GTF3C1: variants seen among roughly 807,000 people sequenced by gnomAD.
GTF3C1 encodes general transcription factor IIIC subunit 1.
GTF3C1 carries 57 observed loss-of-function variants against 226.7 expected under a neutral mutation model. The ratio of observed to expected loss-of-function variants is 0.25; its 90% confidence interval spans 0.20 to 0.31. The LOEUF is 0.31. Among genes scored for constraint, GTF3C1 ranks in the 10% least tolerant of loss-of-function variants. The probability of loss-of-function intolerance (pLI) is 1.00; values close to 1 mark genes in which losing one functional copy is unlikely to be tolerated. For missense variants in GTF3C1, 2,217 were observed against 2,776.1 expected (o/e 0.80, Z 4.53); for synonymous variants, 1,090 against 1,084.8 (o/e 1.00, Z -0.09).
At chr16:27,488,793 A>T (rs1302885108) in intron 21 of GTF3C1, among the ~76,000 whole-genome samples, 158 bp from the exon 22 acceptor site, 1 of 152,190 alleles carries the variant, frequency 6.6e-6, no homozygotes, top group African/African-American at 2.4e-5. Flanking sequence ...ACCATTGCTC[A>T]TGCACTCCCT....
intron 24 of GTF3C1, among the ~76,000 whole-genome samples, chr16:27,485,095 C>T (rs2141370025): frequency 6.6e-6 from 1 of 152,342 alleles, no homozygotes; most frequent in East Asian, 1.9e-4. Context: ...TCAGGTTCTT[C>T]CTTGGAAAAG....
At chr16:27,468,257 G>A (rs2087812870) in intron 32 of GTF3C1, among the ~76,000 whole-genome samples, 1 of 152,186 alleles carries the variant, frequency 6.6e-6, no homozygotes, top group African/African-American at 2.4e-5. Flanking sequence ...TGAGTTTCTT[G>A]ACATAGAATC....
At chr16:27,528,972 G>A (rs930435854) in intron 5 of GTF3C1, among the ~76,000 whole-genome samples, 1 of 152,208 alleles carries the variant, frequency 6.6e-6, no homozygotes, top group African/African-American at 2.4e-5. Flanking sequence ...GTGTGCAGGG[G>A]TGAGAATGAG....
intron 6 of GTF3C1, among the ~76,000 whole-genome samples, chr16:27,512,523 G>A (rs557291372): frequency 3.3e-5 from 5 of 152,166 alleles, no homozygotes; most frequent in Non-Finnish European, 7.4e-5. Context: ...GCATCAGAGC[G>A]ATCTTATGCA....
intron 27 of GTF3C1, among the ~76,000 whole-genome samples, chr16:27,479,837 C>G (rs541773095): frequency 2.0e-5 from 3 of 152,154 alleles, no homozygotes; most frequent in Non-Finnish European, 2.9e-5. Context: ...TAAACTGTTA[C>G]ACTTGCAACT....
chr16:27,470,285 T>G lies in GTF3C1; in HGVS notation c.4637A>C (p.Asp1546Ala). The change falls in exon 31 of 37, where the codon GAC becomes GCC. Residue 1546 changes from aspartate (D) to alanine (A), a missense_variant. Asp to Ala is a moderately radical substitution (Grantham distance 126). This residue lies in a region of GTF3C1 where 546 missense variants were observed against 663.0 expected (regional missense o/e 0.82). Transcript: ENST00000356183. The surrounding 1 kb of genome is among the most constrained non-coding windows in gnomAD (Gnocchi z 4.9). ...LDQPDRFSFK[D>A]QDNNEPTNDM... is the part of the protein sequence containing the mutation. ...GTTTGTGGGCTCGTTATTATCCTGG[T>G]CTTTGAAAGAGAAACGATCAGGCTG... 6.2e-7 allele frequency: 1 copy of G among 1,613,936 alleles called. No homozygotes were observed.
rs2087952760 is a variant in GTF3C1, at chr16:27,476,539, T to C, written c.4265A>G (p.Asp1422Gly). ...TRKEDELNSV[D>G]DIHFLVLQNL... Reference sequence around the variant, plus strand: ...CTGAAGCACCAGAAAGTGGATGTCATCCACGCTGAAAGAGAGGGGGCAGCA... The same window carrying C: ...CTGAAGCACCAGAAAGTGGATGTCACCCACGCTGAAAGAGAGGGGGCAGCA... The change falls in exon 29 of 37, where the codon GAT becomes GGT. Residue 1422 changes from aspartate (D) to glycine (G), a missense_variant. This residue lies in a region of GTF3C1 where 546 missense variants were observed against 663.0 expected (regional missense o/e 0.82). Coordinates refer to ENST00000356183, the MANE Select transcript of GTF3C1 (RefSeq NM_001520.4). The C allele has an allele frequency of 6.2e-7, 1 of 1,602,474 alleles. No individual in the cohort carries two copies. The highest frequency in any genetic ancestry group is 1.7e-5 in the Admixed American group (1 of 59,950).
In GTF3C1 at chr16:27,545,388, C is replaced by T. The variant is rs770977641; in HGVS notation, c.357G>A (p.Glu119=). 4.3e-6 allele frequency: 7 copies of T among 1,613,806 alleles called. No homozygotes were observed. Among genetic ancestry groups the T allele is most frequent in the Middle Eastern group, 1.6e-4 (1 of 6,084 alleles). Residue 119 remains glutamate (E), a synonymous_variant, in exon 2 of 37, where the codon GAG becomes GAA. Transcript: ENST00000356183. ...TGATGTCATTGGTAATGTTTTTCCT[C>T]TCCTTAAAGTAGCGGCATGAGCCCT... is the stretch of plus-strand genomic sequence containing the variant. ...GIQGSCRYFK[E]RKNITNDIRT...
chr16:27,549,635 G>T, intron 1 of GTF3C1, 35 bp downstream of exon 1: 2 of 426,628 alleles, frequency 4.7e-6, no homozygotes. Context: ...CCCTGCGCCC[G>T]CCCGCCCGCC....
At chr16:27,479,594 A>C (rs759218128) in intron 27 of GTF3C1, among the ~76,000 whole-genome samples, 15 of 152,258 alleles carry the variant, frequency 9.9e-5, no homozygotes, top group African/African-American at 3.6e-4. Flanking sequence ...TCAGCCTCCC[A>C]AGTAGCTGGG....
chr16:27,461,304 G>C lies in GTF3C1; in HGVS notation c.*46C>G, dbSNP rs2087699858. On this transcript the variant is annotated 3_prime_UTR_variant, in exon 37 of 37. Transcript: ENST00000356183. The surrounding 1 kb of genome is among the most constrained non-coding windows in gnomAD (Gnocchi z 5.3). ...GGTCTGCCGAGCACCAGGCAGGAGT[G>C]GTGTGGCAGGCGGTGGCTGGGAGGG... The C allele has an allele frequency of 1.6e-6, 2 of 1,246,858 alleles. No individual in the cohort carries two copies. The highest frequency in any genetic ancestry group is 4.7e-5 in the East Asian group (2 of 42,976). The allele number at this position is 1,246,858 out of a possible 1,614,324, so 77.2% of individuals were successfully genotyped here. A position where few individuals can be genotyped will look rare whatever the true frequency, so the allele number is the denominator to read the frequency against.
In GTF3C1 at chr16:27,461,316, G is replaced by A. The variant is rs763235085; in HGVS notation, c.*34C>T. On this transcript the variant is annotated 3_prime_UTR_variant, in exon 37 of 37. Transcript: ENST00000356183. The surrounding 1 kb of genome is among the most constrained non-coding windows in gnomAD (Gnocchi z 5.3). ...ACCAGGCAGGAGTGGTGTGGCAGGC[G>A]GTGGCTGGGAGGGAGGGGACGCCCA... is the stretch of plus-strand genomic sequence containing the variant. 7.2e-6 allele frequency: 10 copies of A among 1,384,222 alleles called. No homozygotes were observed. Among genetic ancestry groups the A allele is most frequent in the African/African-American group, 2.8e-5 (2 of 70,566 alleles). The allele number at this position is 1,384,222 out of a possible 1,614,324, so 85.7% of individuals were successfully genotyped here.
intron 5 of GTF3C1, among the ~76,000 whole-genome samples, chr16:27,530,057 G>A (rs1269699926): frequency 3.9e-5 from 6 of 152,282 alleles, no homozygotes; most frequent in Admixed American, 1.3e-4. Context: ...GCAAGGGAGC[G>A]AATGGCAGGA....
At chr16:27,485,974 C>T (rs766500593) in intron 24 of GTF3C1, 23 bp downstream of exon 24, 39 of 1,554,306 alleles carry the variant, frequency 2.5e-5, no homozygotes, top group South Asian at 4.7e-5. Flanking sequence ...GCAGGCCCAC[C>T]GCTGGGCTGG....
intron 24 of GTF3C1, 68 bp from the exon 25 acceptor site, chr16:27,484,421 T>C: frequency 8.8e-7 from 1 of 1,133,598 alleles, no homozygotes. Flanking sequence ...GGAATTACCA[T>C]AAAAAAGTGG....
intron 7 of GTF3C1, among the ~76,000 whole-genome samples, chr16:27,510,160 T>C (rs936742763): frequency 1.6e-4 from 25 of 151,880 alleles, no homozygotes; most frequent in Non-Finnish European, 1.2e-4. Context: ...CCGAGGCAGG[T>C]GGATCACGAG....
Position 27,493,252 on chromosome 16 carries a change from G to A in GTF3C1, c.2823C>T (p.His941=). 1 of 1,612,236 alleles carries A rather than the reference G, an allele frequency of 6.2e-7. No individual in the cohort carries two copies. ...EEFLNDPLKK[H]TLIRFLPRPI... ...GCCTGGGGAGAAAGCGGATCAGCGT[G>A]TGCTTCTTCAGCGGGTCGTTCAGAA... Residue 941 remains histidine (H), a synonymous_variant, in exon 17 of 37, where the codon CAC becomes CAT. Transcript: ENST00000356183.
chr16:27,496,683 C>T (rs998528666), intron 14 of GTF3C1, among the ~76,000 whole-genome samples: 2 of 152,180 alleles, frequency 1.3e-5, no homozygotes, highest in Non-Finnish European at 2.9e-5. Context: ...GGATTACAGG[C>T]GTTAGCCACC....
chr16:27,465,793 C>T, intron 32 of GTF3C1: 1 of 530,010 alleles, frequency 1.9e-6, no homozygotes, highest in Non-Finnish European at 3.4e-6. Flanking sequence ...CTGTGATTCT[C>T]CTGCTCAAGA....
Sources: gnomAD v4.1 joint callset for allele counts (sites outside exome capture counted in the v4.1 genomes callset) on GRCh38, gnomAD v4.1.1 for gene constraint, gnomAD v4.1.1 regional missense constraint, Gnocchi (gnomAD v3.1) non-coding constraint, MANE v1.5 for transcripts, NCBI Gene and HGNC (gene_info 2026-07-23, HGNC 2026-07-21) for gene names.